Variants in LARGE1 observed in about 807,000 individuals in gnomAD.
LARGE1 encodes the protein xylosyl- and glucuronyltransferase LARGE1.
LARGE1 carries 43 observed loss-of-function variants against 87.6 expected under a neutral mutation model. The ratio of observed to expected loss-of-function variants is 0.49; its 90% confidence interval spans 0.38 to 0.63. The LOEUF (loss-of-function observed/expected upper bound fraction) is 0.63. LARGE1 is among the 30% of genes least tolerant of loss of function. The pLI is 0.00. For missense variants in LARGE1, 802 were observed against 1,000.2 expected (o/e 0.80, Z 2.67); for synonymous variants, 434 against 394.6 (o/e 1.10, Z -1.18).
intron 7 of LARGE1, among the ~76,000 whole-genome samples, chr22:33,391,647 C>T (rs1380195600): frequency 1.3e-5 from 2 of 151,996 alleles, no homozygotes; most frequent in Admixed American, 6.6e-5. Flanking sequence ...TGACCCATGT[C>T]CCCCTCTTCT....
chr22:33,124,229 G>A, the LARGE1 span, among the ~76,000 whole-genome samples: 1 of 151,970 alleles, frequency 6.6e-6, no homozygotes, highest in Admixed American at 6.6e-5. Context: ...CCAGGAGGCG[G>A]AGGTTGCAGG....
At chr22:33,692,471 T>C (rs1231670133) in intron 2 of LARGE1, among the ~76,000 whole-genome samples, 2 of 152,138 alleles carry the variant, frequency 1.3e-5, no homozygotes, top group Non-Finnish European at 2.9e-5. Context: ...TCATCACAAA[T>C]GGCTAATTTT....
intron 1 of LARGE1, among the ~76,000 whole-genome samples, chr22:33,811,705 A>C (rs2086500287): frequency 6.6e-6 from 1 of 152,202 alleles, no homozygotes; most frequent in Non-Finnish European, 1.5e-5. Context: ...TAAATTGTTC[A>C]AACTTTTTCT....
At chr22:33,904,364 C>T (rs1463785220) in intron 1 of LARGE1, among the ~76,000 whole-genome samples, 1 of 152,198 alleles carries the variant, frequency 6.6e-6, no homozygotes, top group Non-Finnish European at 1.5e-5. Flanking sequence ...CCATGTTGGC[C>T]AGGTCAGTCT....
At position 33,593,456 on chromosome 22, in the gene LARGE1, C is replaced by G. The variant is rs149769108; in HGVS notation, c.615+10979G>C. Among the ~76,000 whole-genome samples, 495 of 152,284 alleles carry G rather than the reference C, an allele frequency of 3.3e-3. 3 individuals carry two copies. Among genetic ancestry groups the G allele is most frequent in the African/African-American group, 0.011 (477 of 41,564 alleles). ...GGGTCTCTGTCTATTTTGCTCAAAA[C>G]TCTGCAGACATTTTATTTGGACACC... On this transcript the variant is annotated intron_variant, in intron 5 of 14. Transcript: ENST00000397394.
At chr22:33,330,119 T>C (rs1416086297) in intron 10 of LARGE1, among the ~76,000 whole-genome samples, 1 of 152,170 alleles carries the variant, frequency 6.6e-6, no homozygotes, top group African/African-American at 2.4e-5. Flanking sequence ...ATTTAGCATC[T>C]GGAGCTTTCC....
intron 11 of LARGE1, among the ~76,000 whole-genome samples, chr22:33,311,782 T>G (rs535945380): frequency 1.4e-4 from 22 of 152,360 alleles, no homozygotes; most frequent in African/African-American, 5.0e-4. Context: ...CAGTATTTAC[T>G]GGATGTCAAA....
chr22:33,798,006 C>T (rs1175129859), intron 1 of LARGE1, among the ~76,000 whole-genome samples: 1 of 152,208 alleles, frequency 6.6e-6, no homozygotes, highest in Non-Finnish European at 1.5e-5. Context: ...GGTGCAGTGG[C>T]TTACACCTGT....
At chr22:33,606,483 G>A (rs1290534895) in intron 4 of LARGE1, among the ~76,000 whole-genome samples, 2 of 151,570 alleles carry the variant, frequency 1.3e-5, no homozygotes, top group African/African-American at 2.4e-5. Context: ...GAGGTGTGGG[G>A]GGCAGGATGA....
the LARGE1 span, among the ~76,000 whole-genome samples, chr22:33,129,746 A>G: frequency 6.6e-6 from 1 of 152,168 alleles, no homozygotes; most frequent in African/African-American, 2.4e-5. Flanking sequence ...ACAGGGCAGC[A>G]GGATGGATTG....
At chr22:33,727,903 G>A (rs2083320271) in intron 2 of LARGE1, among the ~76,000 whole-genome samples, 1 of 152,124 alleles carries the variant, frequency 6.6e-6, no homozygotes, top group Admixed American at 6.5e-5. Context: ...AGCAGGGCCA[G>A]CATTAAAGAC....
intron 1 of LARGE1, among the ~76,000 whole-genome samples, chr22:33,913,807 C>T (rs1011845618): frequency 7.9e-5 from 12 of 152,066 alleles, no homozygotes; most frequent in African/African-American, 2.7e-4. Flanking sequence ...CTCGGCTTCC[C>T]AAAGTGCTGG....
intron 5 of LARGE1, among the ~76,000 whole-genome samples, chr22:33,586,907 C>T (rs936055616): frequency 8.5e-5 from 13 of 152,054 alleles, no homozygotes; most frequent in Admixed American, 3.3e-4. Context: ...GCAATGAAAA[C>T]GAGAAAACTA....
intron 3 of LARGE1, among the ~76,000 whole-genome samples, chr22:33,640,230 G>A (rs1182489943): frequency 6.6e-6 from 1 of 152,188 alleles, no homozygotes; most frequent in Non-Finnish European, 1.5e-5. Flanking sequence ...CCAAATGAGG[G>A]AGTGAGAGGA....
chr22:33,687,973 C>T (rs1215828628), intron 2 of LARGE1, among the ~76,000 whole-genome samples: 1 of 152,206 alleles, frequency 6.6e-6, no homozygotes, highest in East Asian at 1.9e-4. Flanking sequence ...CACAACCTCA[C>T]ATGGAAGGTA....
At chr22:33,552,135 A>G (rs776573068) in intron 6 of LARGE1, among the ~76,000 whole-genome samples, 10 of 152,340 alleles carry the variant, frequency 6.6e-5, no homozygotes, top group Admixed American at 3.9e-4. Flanking sequence ...TGAGCATTAA[A>G]GAGCATAACT....
chr22:33,461,386 C>T (rs936153282), intron 6 of LARGE1, among the ~76,000 whole-genome samples: 1 of 152,124 alleles, frequency 6.6e-6, no homozygotes, highest in Non-Finnish European at 1.5e-5. Context: ...TGAATTGTTT[C>T]AGTGACTCAT....
At chr22:33,568,236 AG>A (rs762612963) in intron 5 of LARGE1, among the ~76,000 whole-genome samples, 1 of 152,188 alleles carries the variant, frequency 6.6e-6, no homozygotes, top group Non-Finnish European at 1.5e-5. Flanking sequence ...AAGCCAGAAC[AG>A]GAAAAAACAT....
chr22:33,389,566 T>A (rs2065442620), intron 7 of LARGE1, among the ~76,000 whole-genome samples: 1 of 152,146 alleles, frequency 6.6e-6, no homozygotes, highest in African/African-American at 2.4e-5. Flanking sequence ...CCAAACTAGC[T>A]GGGTGCGGTG....
Sources: gnomAD v4.1 joint callset for allele counts (sites outside exome capture counted in the v4.1 genomes callset) on GRCh38, gnomAD v4.1.1 for gene constraint, MANE v1.5 for transcripts, NCBI Gene and HGNC (gene_info 2026-07-23, HGNC 2026-07-21) for gene names.